The following UNC5D variants were observed in gnomAD, a reference collection of about 807,000 sequenced individuals.
UNC5D encodes the protein unc-5 netrin receptor D.
UNC5D carries 39 observed loss-of-function variants against 105.4 expected under a neutral mutation model. The ratio of observed to expected loss-of-function variants is 0.37; its 90% confidence interval spans 0.29 to 0.48. The LOEUF is 0.48. Ranked by LOEUF, UNC5D falls within the 20% of genes least tolerant of loss-of-function variation. UNC5D has a pLI of 0.98. For missense variants in UNC5D, 991 were observed against 1,202.4 expected (o/e 0.82, Z 2.60); for synonymous variants, 452 against 450.4 (o/e 1.00, Z -0.04).
At chr8:35,692,075 G>A (rs1826441786) in intron 7 of UNC5D, among the ~76,000 whole-genome samples, 2 of 152,148 alleles carry the variant, frequency 1.3e-5, no homozygotes, top group South Asian at 2.1e-4. Flanking sequence ...TATAACATAG[G>A]TCAGTTCAAC....
At chr8:35,703,241 G>A (rs571127731) in intron 7 of UNC5D, among the ~76,000 whole-genome samples, 8 of 151,420 alleles carry the variant, frequency 5.3e-5, no homozygotes, top group African/African-American at 1.7e-4. Flanking sequence ...TTGAAATTGT[G>A]TCATTAGCTA....
chr8:35,780,050 G>C (rs1208286791), intron 16 of UNC5D, among the ~76,000 whole-genome samples: 1 of 152,166 alleles, frequency 6.6e-6, no homozygotes. Context: ...ATGGGCAGAT[G>C]AGTAGAGGGG....
At chr8:35,409,528 G>T (rs1805022474) in intron 1 of UNC5D, among the ~76,000 whole-genome samples, 1 of 151,884 alleles carries the variant, frequency 6.6e-6, no homozygotes, top group South Asian at 2.1e-4. Context: ...ATGCTTATTT[G>T]TCATCTACCT....
intron 1 of UNC5D, chr8:35,525,038 A>T: frequency 2.7e-6 from 2 of 747,318 alleles, no homozygotes; most frequent in Non-Finnish European, 4.3e-6. Context: ...GTTCAAGTCT[A>T]AGATTTGGAA....
At chr8:35,327,121 A>C (rs1028634170) in intron 1 of UNC5D, among the ~76,000 whole-genome samples, 2 of 152,178 alleles carry the variant, frequency 1.3e-5, no homozygotes, top group African/African-American at 4.8e-5. Flanking sequence ...CTTGGCGGAA[A>C]GATGAACAGC....
chr8:35,468,269 A>G (rs905238666), intron 1 of UNC5D, among the ~76,000 whole-genome samples: 2 of 152,098 alleles, frequency 1.3e-5, no homozygotes, highest in African/African-American at 4.8e-5. Context: ...ACTTTTGACC[A>G]CTCCCAAGGA....
chr8:35,762,510 A>G (rs1801582053), intron 14 of UNC5D, among the ~76,000 whole-genome samples: 1 of 152,206 alleles, frequency 6.6e-6, no homozygotes, highest in South Asian at 2.1e-4. Context: ...TAGTCTCCCC[A>G]AGTAAACAAT....
At chr8:35,668,235 A>G (rs1824558546) in intron 4 of UNC5D, among the ~76,000 whole-genome samples, 2 of 152,078 alleles carry the variant, frequency 1.3e-5, no homozygotes. Flanking sequence ...TCAAGTACTT[A>G]GATCATCTTT....
chr8:35,334,703 G>A (rs532886995), intron 1 of UNC5D, among the ~76,000 whole-genome samples: 3 of 151,848 alleles, frequency 2.0e-5, no homozygotes, highest in African/African-American at 4.8e-5. Context: ...TAGTAGAGAC[G>A]GGGTTTCACC....
In UNC5D at chr8:35,321,782, C is replaced by T. The variant is rs372347433; in HGVS notation, c.103+85895C>T. Among the ~76,000 whole-genome samples, 118 of 152,238 alleles carry T rather than the reference C, an allele frequency of 7.8e-4. 2 individuals carry two copies. In the South Asian group the frequency reaches 0.023, roughly 30 times the overall value. On this transcript the variant is annotated intron_variant, in intron 1 of 16. Transcript: ENST00000404895. ...GAAGTTGGAGGTTCCTGGATCACTACGGTTTCATGTTGCAAGCACTGCCTG... is the reference window on the plus strand; with the variant it reads ...GAAGTTGGAGGTTCCTGGATCACTATGGTTTCATGTTGCAAGCACTGCCTG...
At chr8:35,436,776 A>G (rs574270732) in intron 1 of UNC5D, among the ~76,000 whole-genome samples, 1 of 152,224 alleles carries the variant, frequency 6.6e-6, no homozygotes, top group South Asian at 2.1e-4. Context: ...ACTGAGATTC[A>G]TAACTCCTAC....
chr8:35,720,399 A>G (rs1345587665), intron 8 of UNC5D, among the ~76,000 whole-genome samples: 1 of 152,174 alleles, frequency 6.6e-6, no homozygotes, highest in Non-Finnish European at 1.5e-5. Context: ...TTTTAAGGTG[A>G]GAGTGTCATC....
intron 13 of UNC5D, 108 bp from the exon 14 acceptor site, chr8:35,759,212 C>T: frequency 8.1e-7 from 1 of 1,240,948 alleles, no homozygotes. Flanking sequence ...TGCTCTCTGT[C>T]CATTTGTGGA....
intron 1 of UNC5D, among the ~76,000 whole-genome samples, chr8:35,421,880 G>A (rs1018867338): frequency 1.3e-5 from 2 of 152,182 alleles, no homozygotes; most frequent in Admixed American, 6.5e-5. Context: ...CATATCTACC[G>A]ACCTATTCTA....
At chr8:35,725,324 AT>A (rs1356374399) in intron 9 of UNC5D, among the ~76,000 whole-genome samples, 1 of 152,178 alleles carries the variant, frequency 6.6e-6, no homozygotes, top group Non-Finnish European at 1.5e-5. Flanking sequence ...TCACAAGAAA[AT>A]ATCACAGCAT....
chr8:35,498,040 GC>G (rs1444316562), intron 1 of UNC5D, among the ~76,000 whole-genome samples: 28 of 131,104 alleles, frequency 2.1e-4, no homozygotes, highest in Non-Finnish European at 3.9e-4. Flanking sequence ...TTGCACTCCA[GC>G]CTGGGCAACA....
intron 1 of UNC5D, among the ~76,000 whole-genome samples, chr8:35,460,849 AG>A (rs1808834832): frequency 6.6e-6 from 1 of 152,186 alleles, no homozygotes; most frequent in South Asian, 2.1e-4. Context: ...ACATTTAGAA[AG>A]CTCATTTGTC....
At position 35,493,281 on chromosome 8, in the gene UNC5D, CAAAAAAAAAAA is replaced by C. The variant is rs35199794; in HGVS notation, c.104-55998_104-55988del. Among the ~76,000 whole-genome samples the C allele has an allele frequency of 1.0e-3, 67 of 67,170 alleles. 1 individual carries two copies. The East Asian group carries it at 0.012, about 12-fold the overall frequency. 44.1% of individuals were successfully genotyped at this position (67,170 alleles called of 152,430 possible). A position where few individuals can be genotyped will look rare whatever the true frequency, so the allele number is the denominator to read the frequency against. On this transcript the variant is annotated intron_variant, in intron 1 of 16. Transcript: ENST00000404895. ...GAGTTGCTTCAGTAAAGTCTGTGAC[CAAAAAAAAAAA>C]AAAAAAAAAAAACACACCAAAAAAC...
chr8:35,667,631 C>A (rs1445412553), intron 4 of UNC5D, among the ~76,000 whole-genome samples: 1 of 152,154 alleles, frequency 6.6e-6, no homozygotes, highest in East Asian at 1.9e-4. Flanking sequence ...AAGAACATAC[C>A]AATCACCAAA....
Sources: allele counts gnomAD v4.1 joint callset (sites outside exome capture counted in the v4.1 genomes callset), GRCh38; gene constraint gnomAD v4.1.1; transcripts MANE v1.5; gene names NCBI Gene and HGNC (gene_info 2026-07-23, HGNC 2026-07-21).